EFL1: variants seen among roughly 807,000 people sequenced by gnomAD.
EFL1 encodes the protein elongation factor-like GTPase 1.
Under a neutral mutation model 126.7 loss-of-function variants are expected in EFL1, and 76 were observed. The ratio of observed to expected loss-of-function variants is 0.60; its 90% CI spans 0.50 to 0.73. EFL1 has a LOEUF of 0.73. Among genes scored for constraint, EFL1 ranks in the 30% least tolerant of loss-of-function variants. The pLI is 0.00. For missense variants in EFL1, 1,128 were observed against 1,343.2 expected, an observed-to-expected ratio of 0.84 and a Z score of 2.50; for synonymous variants, 410 against 448.4, an observed-to-expected ratio of 0.91 and a Z score of 1.08.
At chr15:82,169,909 C>A (rs1397648617) in intron 15 of EFL1, among the ~76,000 whole-genome samples, 1 of 152,076 alleles carries the variant, frequency 6.6e-6, no homozygotes, top group Non-Finnish European at 1.5e-5. Context: ...TGGTGAGGGA[C>A]AAAGGCAAAT....
At chr15:82,193,606 C>T (rs2074380869) in intron 15 of EFL1, among the ~76,000 whole-genome samples, 1 of 152,294 alleles carries the variant, frequency 6.6e-6, no homozygotes, top group Admixed American at 6.5e-5. Context: ...AAAAAGATGA[C>T]TCATTTTGTC....
intron 19 of EFL1, among the ~76,000 whole-genome samples, 172 bp downstream of exon 19, chr15:82,138,486 G>A: frequency 6.7e-6 from 1 of 148,982 alleles, no homozygotes; most frequent in Non-Finnish European, 1.5e-5. Flanking sequence ...ATGATCTCAG[G>A]CTCATTCAAT....
intron 19 of EFL1, among the ~76,000 whole-genome samples, chr15:82,137,414 T>C (rs1381491949): frequency 6.6e-6 from 1 of 152,150 alleles, no homozygotes; most frequent in African/African-American, 2.4e-5. Context: ...GTGCAATGAA[T>C]GCCACACCGC....
chr15:82,139,427 G>T (rs144936839), intron 18 of EFL1, among the ~76,000 whole-genome samples: 5 of 152,242 alleles, frequency 3.3e-5, no homozygotes, highest in African/African-American at 1.2e-4. Context: ...AATCTTTAAG[G>T]TCTGGTAACA....
intron 17 of EFL1, among the ~76,000 whole-genome samples, 174 bp from the exon 18 acceptor site, chr15:82,152,597 C>T (rs1308595076): frequency 6.6e-6 from 1 of 151,582 alleles, no homozygotes; most frequent in Non-Finnish European, 1.5e-5. Flanking sequence ...TGCTTTCTTT[C>T]TGATTGAAAA....
intron 15 of EFL1, among the ~76,000 whole-genome samples, chr15:82,182,449 T>C (rs927346127): frequency 1.3e-5 from 2 of 152,208 alleles, no homozygotes; most frequent in African/African-American, 2.4e-5. Context: ...AACAGGTTCC[T>C]TTAATGGTCA....
intron 16 of EFL1, among the ~76,000 whole-genome samples, chr15:82,158,598 T>A (rs2073990852): frequency 6.6e-6 from 1 of 152,198 alleles, no homozygotes; most frequent in African/African-American, 2.4e-5. Context: ...TTTTATGCAG[T>A]CTTGTTTCAA....
intron 4 of EFL1, among the ~76,000 whole-genome samples, chr15:82,247,978 T>C (rs1489031640): frequency 1.3e-5 from 2 of 152,066 alleles, no homozygotes; most frequent in African/African-American, 2.4e-5. Flanking sequence ...TCCAAGAGAC[T>C]AATGGTCCAA....
At chr15:82,165,506 C>T (rs1303474263) in intron 15 of EFL1, among the ~76,000 whole-genome samples, 3 of 152,070 alleles carry the variant, frequency 2.0e-5, no homozygotes, top group Admixed American at 6.5e-5. Context: ...TCTTGTTGTC[C>T]GACTACACAG....
At chr15:82,221,483 C>T (rs2074711706) in intron 12 of EFL1, among the ~76,000 whole-genome samples, 2 of 152,164 alleles carry the variant, frequency 1.3e-5, no homozygotes, top group Admixed American at 1.3e-4. Flanking sequence ...CTGTCCACTG[C>T]TATACTCTTC....
At chr15:82,193,895 C>A (rs71231559) in intron 15 of EFL1, among the ~76,000 whole-genome samples, 1 of 152,150 alleles carries the variant, frequency 6.6e-6, no homozygotes, top group Non-Finnish European at 1.5e-5. Flanking sequence ...CCACCCAACT[C>A]GCCGCCTTCA....
At chr15:82,241,454 T>A (rs986281159) in intron 4 of EFL1, 51 bp from the exon 5 acceptor site, 2 of 1,580,768 alleles carry the variant, frequency 1.3e-6, no homozygotes, top group African/African-American at 2.7e-5. Context: ...GTACACAATG[T>A]TCTTCCTCAG....
At chr15:82,191,383 A>T (rs1251288775) in intron 15 of EFL1, among the ~76,000 whole-genome samples, 1 of 152,190 alleles carries the variant, frequency 6.6e-6, no homozygotes, top group Non-Finnish European at 1.5e-5. Flanking sequence ...CACTATTCTG[A>T]TAGGTATTAC....
intron 15 of EFL1, among the ~76,000 whole-genome samples, chr15:82,166,513 G>A (rs1005359695): frequency 6.6e-6 from 1 of 152,150 alleles, no homozygotes; most frequent in Admixed American, 6.5e-5. Context: ...TAAAATCTAG[G>A]AAAGGGAGGA....
At chr15:82,158,727 C>T (rs1339105066) in intron 16 of EFL1, among the ~76,000 whole-genome samples, 4 of 152,140 alleles carry the variant, frequency 2.6e-5, no homozygotes, top group Non-Finnish European at 4.4e-5. Context: ...TTATAAAAGT[C>T]GATTAACTGG....
chr15:82,191,109 C>T (rs1385110056), intron 15 of EFL1, among the ~76,000 whole-genome samples: 1 of 151,868 alleles, frequency 6.6e-6, no homozygotes. Context: ...AGAAAACTCA[C>T]AGTTTTCTTT....
At chr15:82,180,369 A>AC (rs1247061523) in intron 15 of EFL1, among the ~76,000 whole-genome samples, 37 of 123,754 alleles carry the variant, frequency 3.0e-4, no homozygotes, top group East Asian at 2.1e-3. Context: ...CAAAAAAAAA[A>AC]AAACAAAAAA....
At chr15:82,156,332 G>T (rs897259867) in intron 17 of EFL1, among the ~76,000 whole-genome samples, 1 of 152,066 alleles carries the variant, frequency 6.6e-6, no homozygotes, top group African/African-American at 2.4e-5. Flanking sequence ...CTGTTGCCAG[G>T]CTACAGTGCA....
intron 15 of EFL1, among the ~76,000 whole-genome samples, chr15:82,201,532 G>A (rs2141281993): frequency 6.6e-6 from 1 of 152,228 alleles, no homozygotes; most frequent in Non-Finnish European, 1.5e-5. Context: ...TTCAGTTGAG[G>A]ATTTTCCTTG....
Sources: gnomAD v4.1 joint callset for allele counts (sites outside exome capture counted in the v4.1 genomes callset) on GRCh38, gnomAD v4.1.1 for gene constraint, MANE v1.5 for transcripts, NCBI Gene and HGNC (gene_info 2026-07-23, HGNC 2026-07-21) for gene names.